ITSN1: variants seen among roughly 807,000 people sequenced by gnomAD.
The protein encoded by ITSN1 is intersectin 1, also known as intersectin-1.
Under a neutral mutation model 239.8 loss-of-function variants are expected in ITSN1, and 58 were observed. The ratio of observed to expected loss-of-function variants is 0.24; its 90% CI spans 0.20 to 0.30. The LOEUF (loss-of-function observed/expected upper bound fraction) is 0.30, where lower values mean the gene tolerates loss of function less well. ITSN1 is among the 10% of genes least tolerant of loss of function. The pLI, the probability that ITSN1 is intolerant of heterozygous loss-of-function variation, is 1.00. For synonymous variants in ITSN1, 780 were observed against 770.8 expected (o/e 1.01, Z -0.20); for missense variants, 1,558 against 2,103.3 (o/e 0.74, Z 5.07).
chr21:33,692,961 T>C (rs894616186), intron 1 of ITSN1, among the ~76,000 whole-genome samples: 2 of 152,094 alleles, frequency 1.3e-5, no homozygotes, highest in African/African-American at 4.8e-5. Context: ...CATGCCAGGC[T>C]GATTTTTGTA....
rs1238734103 is a variant in ITSN1, at chr21:33,889,886, G to C, written c.*1586G>C. The stretch of plus-strand genomic sequence containing the variant: ...AGCAATTTTTTTAAAAGTGTGTGTT[G>C]GAAAGGACAACAAAGTTTACATTTC... On this transcript the variant is annotated 3_prime_UTR_variant, in exon 40 of 40. Transcript: ENST00000381318. 6.6e-6 allele frequency: 1 copy of C among 152,092 alleles called. No homozygotes were observed. Among genetic ancestry groups the C allele is most frequent in the Non-Finnish European group, 1.5e-5 (1 of 68,030 alleles). The allele number at this position is 152,092 out of a possible 1,614,324, so 9.4% of individuals were successfully genotyped here. A position where few individuals can be genotyped will look rare whatever the true frequency, so the allele number is the denominator to read the frequency against.
chr21:33,684,996 G>C (rs983446231), intron 1 of ITSN1, among the ~76,000 whole-genome samples: 6 of 152,186 alleles, frequency 3.9e-5, no homozygotes, highest in South Asian at 2.1e-4. Context: ...AAAGAAAGGA[G>C]AGTAGTATCA....
Position 33,774,951 on chromosome 21 carries a change from T to C in ITSN1, c.1456-17T>C, listed in dbSNP as rs113523408. ...TTAAAAACAGTAATAATTTTTATTATCTTTCATTTGTTCAAGAATGATAAA... is the reference window on the plus strand; with the variant it reads ...TTAAAAACAGTAATAATTTTTATTACCTTTCATTTGTTCAAGAATGATAAA... On this transcript the variant is annotated splice_polypyrimidine_tract_variant and intron_variant, in intron 13 of 39. Coordinates refer to ENST00000381318, the MANE Select transcript of ITSN1 (RefSeq NM_003024.3). 1 of 1,605,314 alleles carries C rather than the reference T, an allele frequency of 6.2e-7. No individual in the cohort carries two copies. Among genetic ancestry groups the C allele is most frequent in the Non-Finnish European group, 8.5e-7 (1 of 1,176,348 alleles).
At chr21:33,718,442 G>A (rs1395327430) in intron 1 of ITSN1, among the ~76,000 whole-genome samples, 1 of 152,102 alleles carries the variant, frequency 6.6e-6, no homozygotes, top group East Asian at 1.9e-4. Context: ...AATAACAGTT[G>A]TTTACATAGC....
intron 16 of ITSN1, among the ~76,000 whole-genome samples, chr21:33,792,059 GACATTGTGATGA>G (rs2071178385): frequency 6.6e-6 from 1 of 152,004 alleles, no homozygotes; most frequent in Non-Finnish European, 1.5e-5. Flanking sequence ...TTGTTTGTTA[GACATTGTGATGA>G]ACAATGTCTA....
intron 21 of ITSN1, among the ~76,000 whole-genome samples, chr21:33,812,548 G>C (rs1484608201): frequency 6.6e-6 from 1 of 152,018 alleles, no homozygotes; most frequent in Non-Finnish European, 1.5e-5. Flanking sequence ...ACCCAGGCTG[G>C]AGTGCAGTGG....
At position 33,772,106 on chromosome 21, in the gene ITSN1, T is replaced by C; in HGVS notation, c.1088T>C (p.Leu363Pro). The change falls in exon 12 of 40, where the codon CTG becomes CCG. Residue 363 changes from leucine (L) to proline (P), a missense_variant. Leu to Pro is a moderately conservative substitution (Grantham distance 98, BLOSUM62 -3). Coordinates refer to ENST00000381318, the MANE Select transcript of ITSN1 (RefSeq NM_003024.3). ...KKRENFERGN[L>P]ELEKRRQALL... Reference sequence around the variant, plus strand: ...CGGGAGAACTTTGAACGTGGCAACCTGGAACTGGAGAAACGAAGGCAAGCT... The same window carrying C: ...CGGGAGAACTTTGAACGTGGCAACCCGGAACTGGAGAAACGAAGGCAAGCT... 1 of 1,614,170 alleles carries C rather than the reference T, an allele frequency of 6.2e-7. No homozygotes were observed. Among genetic ancestry groups the C allele is most frequent in the Non-Finnish European group, 8.5e-7 (1 of 1,180,024 alleles).
intron 33 of ITSN1, among the ~76,000 whole-genome samples, chr21:33,873,807 G>A (rs1282900728): frequency 6.6e-6 from 1 of 152,178 alleles, no homozygotes; most frequent in Non-Finnish European, 1.5e-5. Context: ...GGGAGGCAGA[G>A]GTTGCAGTGA....
chr21:33,657,467 G>A (rs983245392), intron 1 of ITSN1, among the ~76,000 whole-genome samples: 6 of 152,008 alleles, frequency 3.9e-5, no homozygotes, highest in African/African-American at 1.4e-4. Flanking sequence ...TGTTGCTGTC[G>A]CCAGGGCTTT....
rs1176718810 is a variant in ITSN1, at chr21:33,765,896, A to G, written c.810A>G (p.Gln270=). The change falls in exon 10 of 40, where the codon CAA becomes CAG. Residue 270 remains glutamine (Q), a synonymous_variant. Transcript: ENST00000381318. ...ATAGGAATCTTTCTGACATTGATCA[A>G]GATGGAAAACTTACAGCAGAGGAAT... ...ASIWNLSDID[Q]DGKLTAEEFI... 3 of 1,614,186 alleles carry G rather than the reference A, an allele frequency of 1.9e-6. No individual in the cohort carries two copies. The highest frequency in any genetic ancestry group is 2.5e-6 in the Non-Finnish European group (3 of 1,180,006).
intron 29 of ITSN1, chr21:33,836,908 C>T: frequency 1.1e-6 from 1 of 904,536 alleles, no homozygotes; most frequent in Non-Finnish European, 1.7e-6. Flanking sequence ...ATGCTGTTTA[C>T]ATGCCTGACT....
chr21:33,696,538 A>G (rs1223260026), intron 1 of ITSN1, among the ~76,000 whole-genome samples: 3 of 152,188 alleles, frequency 2.0e-5, no homozygotes, highest in Non-Finnish European at 4.4e-5. Context: ...ATTTTGATGA[A>G]TATGTTTAAA....
intron 29 of ITSN1, 24 bp from the exon 30 acceptor site, chr21:33,856,712 C>A: frequency 6.2e-7 from 1 of 1,612,804 alleles, no homozygotes; most frequent in South Asian, 1.1e-5. Context: ...GTGCTAAGTT[C>A]TCCCAAATGG....
intron 1 of ITSN1, among the ~76,000 whole-genome samples, chr21:33,697,159 T>G (rs1470905522): frequency 6.6e-6 from 1 of 151,360 alleles, no homozygotes; most frequent in African/African-American, 2.4e-5. Context: ...CTCGGCTCAC[T>G]GCAACCTCTA....
rs550313588 is a variant in ITSN1, at chr21:33,883,823, C to T, written c.4676+152C>T. On this transcript the variant is annotated intron_variant, in intron 36 of 39. Transcript: ENST00000381318. ...GGGATGGGGCTATTACTTTTTTCTA[C>T]AGCCTCTCAAAAATCTGTCACATGG... is the stretch of plus-strand genomic sequence containing the variant. 1.7e-4 allele frequency: 131 copies of T among 770,354 alleles called. 1 individual carries two copies. Among genetic ancestry groups the T allele is most frequent in the Non-Finnish European group, 2.2e-4 (116 of 522,620 alleles). 47.7% of individuals were successfully genotyped at this position (770,354 alleles called of 1,614,324 possible). A position where few individuals can be genotyped will look rare whatever the true frequency, so the allele number is the denominator to read the frequency against.
At chr21:33,650,068 T>C (rs1476559895) in intron 1 of ITSN1, among the ~76,000 whole-genome samples, 1 of 149,920 alleles carries the variant, frequency 6.7e-6, no homozygotes, top group Non-Finnish European at 1.5e-5. Context: ...AATAACAAGG[T>C]CATAGCAACA....
intron 29 of ITSN1, among the ~76,000 whole-genome samples, chr21:33,841,914 T>C (rs2074836165): frequency 6.6e-6 from 1 of 151,096 alleles, no homozygotes; most frequent in Non-Finnish European, 1.5e-5. Context: ...AATGTTCCGC[T>C]TCAGCCAGAG....
Position 33,797,615 on chromosome 21 carries a change from G to T in ITSN1, c.2182+7G>T. The T allele has an allele frequency of 6.2e-7, 1 of 1,609,778 alleles. No individual in the cohort carries two copies. The highest frequency in any genetic ancestry group is 8.5e-7 in the Non-Finnish European group (1 of 1,177,168). On this transcript the variant is annotated splice_region_variant and intron_variant, in intron 18 of 39. Coordinates refer to ENST00000381318, the MANE Select transcript of ITSN1 (RefSeq NM_003024.3). This position sits in a 1 kb window ranked among gnomAD's most constrained non-coding sequence, Gnocchi z 4.9. The stretch of plus-strand genomic sequence containing the variant: ...GCACCCTGGTCCACTGCAGGTATTA[G>T]AAGCCAAAAATAATTATAGAAAATA...
intron 1 of ITSN1, among the ~76,000 whole-genome samples, chr21:33,648,425 C>G (rs1241457443): frequency 6.6e-6 from 1 of 152,118 alleles, no homozygotes; most frequent in Non-Finnish European, 1.5e-5. Context: ...CATTTGGGTA[C>G]TTTTTATGTT....
Sources: allele counts gnomAD v4.1 joint callset (sites outside exome capture counted in the v4.1 genomes callset), GRCh38; gene constraint gnomAD v4.1.1; non-coding constraint Gnocchi (gnomAD v3.1); transcripts MANE v1.5; gene names NCBI Gene and HGNC (gene_info 2026-07-23, HGNC 2026-07-21).